Variants in NUMA1 observed in about 807,000 individuals in gnomAD.
NUMA1 encodes nuclear mitotic apparatus protein 1, also known as SP-H antigen.
Under a neutral mutation model 237.1 loss-of-function variants are expected in NUMA1, and 62 were observed. That is an observed-to-expected ratio of 0.26 (90% CI 0.21 to 0.32). NUMA1 has a LOEUF of 0.32. NUMA1 is among the 10% of genes least tolerant of loss of function. The probability of loss-of-function intolerance (pLI) is 1.00; values close to 1 mark genes in which losing one functional copy is unlikely to be tolerated. For missense variants in NUMA1, 2,533 were observed against 2,666.5 expected, an observed-to-expected ratio of 0.95 and a Z score of 1.10; for synonymous variants, 1,028 against 1,066.1, an observed-to-expected ratio of 0.96 and a Z score of 0.70.
chr11:72,012,842 C>G (rs1956244655), intron 15 of NUMA1, 53 bp downstream of exon 15: 1 of 1,582,966 alleles, frequency 6.3e-7, no homozygotes, highest in Non-Finnish European at 8.6e-7. Context: ...GATCGATGTC[C>G]CCGCGCTCTC....
intron 4 of NUMA1, among the ~76,000 whole-genome samples, chr11:72,025,096 C>T (rs965833584): frequency 6.6e-6 from 1 of 152,196 alleles, no homozygotes; most frequent in Non-Finnish European, 1.5e-5. Flanking sequence ...TGGGGTTTCG[C>T]CATGTTGGCC....
intron 24 of NUMA1, 25 bp from the exon 25 acceptor site, chr11:72,004,366 A>G: frequency 1.9e-6 from 3 of 1,594,434 alleles, no homozygotes; most frequent in East Asian, 2.2e-5. Context: ...ACAGTTAGGC[A>G]GACAGTAGCA....
Position 72,004,281 on chromosome 11 carries a change from G to A in NUMA1, c.6067C>T (p.Arg2023Cys), listed in dbSNP as rs202117024. Residue 2023 changes from arginine (R) to cysteine (C), a missense_variant, in exon 25 of 27, where the codon CGC becomes TGC. By Grantham distance (180) the Arg-to-Cys change is radical. Around this residue, in one of 3 missense-constraint regions of NUMA1, gnomAD observed 795 missense variants for 750.8 expected, o/e 1.06. Transcript: ENST00000393695. Reference sequence around the variant, plus strand: ...TGGGCCTCAGTAGTGCTCTGTTTGCGCCCTTCATGTCGGTCTCGGGGAGTC... The same window carrying A: ...TGGGCCTCAGTAGTGCTCTGTTTGCACCCTTCATGTCGGTCTCGGGGAGTC... ...PMTPRDRHEG[R>C]KQSTTEAQKK... 8.7e-6 allele frequency: 14 copies of A among 1,613,504 alleles called. No homozygotes were observed. In the East Asian group the frequency reaches 1.3e-4, roughly 15 times the overall value.
chr11:72,013,785 G>A lies in NUMA1; in HGVS notation c.3718C>T (p.Gln1240Ter). ...CTCTCCCCCTCCTTCTCCAGGACCT[G>A]GCGATTCAGGATGGACACCTCCTCC... ...LEEEVSILNR[Q>*]VLEKEGESKE... Residue 1240 changes from glutamine (Q) to a stop codon, truncating the protein, a stop_gained, in exon 15 of 27, where the codon CAG (glutamine) becomes TAG (stop). Coordinates refer to ENST00000393695, the MANE Select transcript of NUMA1 (RefSeq NM_006185.4). LOFTEE classifies it high-confidence loss of function. This position sits in a 1 kb window ranked among gnomAD's most constrained non-coding sequence, Gnocchi z 6.8. The A allele has an allele frequency of 6.2e-7, 1 of 1,610,010 alleles. No individual in the cohort carries two copies. The highest frequency in any genetic ancestry group is 8.5e-7 in the Non-Finnish European group (1 of 1,180,002).
intron 4 of NUMA1, 78 bp from the exon 5 acceptor site, chr11:72,024,431 C>G (rs997501126): frequency 8.1e-7 from 1 of 1,238,098 alleles, no homozygotes; most frequent in East Asian, 2.3e-5. Flanking sequence ...TAGTACCTCC[C>G]CATTCCTTCC....
Position 72,005,842 on chromosome 11 carries a change from G to A in NUMA1, c.5692+193C>T, listed in dbSNP as rs755451056. On this transcript the variant is annotated intron_variant, in intron 22 of 26. Coordinates refer to ENST00000393695, the MANE Select transcript of NUMA1 (RefSeq NM_006185.4). The stretch of plus-strand genomic sequence containing the variant: ...CGGGCCCTTAACTCTGGCTAAGAGT[G>A]CCCCCAACACAGCCAGCCCCTAGAT... 135 of 593,776 alleles carry A rather than the reference G, an allele frequency of 2.3e-4. 1 individual carries two copies. In the Middle Eastern group the frequency reaches 8.0e-3, roughly 35 times the overall value. 36.8% of individuals were successfully genotyped at this position (593,776 alleles called of 1,614,324 possible). A position where few individuals can be genotyped will look rare whatever the true frequency, so the allele number is the denominator to read the frequency against.
chr11:72,014,244 C>T lies in NUMA1; in HGVS notation c.3259G>A (p.Val1087Met), dbSNP rs759760794. Residue 1087 changes from valine to methionine, a missense_variant, in exon 15 of 27, where the codon GTG becomes ATG. Val to Met is a conservative substitution (Grantham distance 21). Around this residue, in one of 3 missense-constraint regions of NUMA1, gnomAD observed 1,414 missense variants for 1,508.1 expected, o/e 0.94. Coordinates refer to ENST00000393695, the MANE Select transcript of NUMA1 (RefSeq NM_006185.4). The surrounding 1 kb of genome is among the most constrained non-coding windows in gnomAD (Gnocchi z 4.6). ...GCCAGCTGTTCCTTCAGTTGCTTCACGGTTTGCCGAAGTTCCTCCAGCTCT... is the reference window on the plus strand; with the variant it reads ...GCCAGCTGTTCCTTCAGTTGCTTCATGGTTTGCCGAAGTTCCTCCAGCTCT... ...IKELEELRQT[V>M]KQLKEQLAKK... 2.1e-5 allele frequency: 34 copies of T among 1,614,006 alleles called. No homozygotes were observed. The highest frequency in any genetic ancestry group is 1.2e-4 in the African/African-American group (9 of 75,062).
chr11:72,047,749 A>T lies in NUMA1; in HGVS notation c.-32-11774T>A, dbSNP rs566359074. On this transcript the variant is annotated intron_variant, in intron 2 of 26. Coordinates refer to ENST00000393695, the MANE Select transcript of NUMA1 (RefSeq NM_006185.4). The stretch of plus-strand genomic sequence containing the variant: ...AGGCTCTGGATTAGCTACGAATTAC[A>T]ACAGTAACAGCAACGATAATGATAG... 1.2e-4 allele frequency: 18 copies of T among 152,324 alleles called. No homozygotes were observed. The South Asian group carries it at 3.7e-3, about 32-fold the overall frequency. The allele number at this position is 152,324 out of a possible 1,614,324, so 9.4% of individuals were successfully genotyped here.
chr11:72,017,866 AACGC>A, intron 12 of NUMA1, 39 bp from the exon 13 acceptor site: 1 of 13,444 alleles, frequency 7.4e-5, no homozygotes, highest in Non-Finnish European at 2.8e-4. Flanking sequence ...ACCCAGAGTC[AACGC>A]TGACCCCACC....
In NUMA1 at chr11:72,009,152, T is replaced by C. The variant is rs757395343; in HGVS notation, c.4873A>G (p.Lys1625Glu). The C allele has an allele frequency of 6.2e-7, 1 of 1,607,390 alleles. No individual in the cohort carries two copies. The highest frequency in any genetic ancestry group is 1.1e-5 in the South Asian group (1 of 90,930). ...TCCTGCAGCTCTTGGTTCTGCTGCT[T>C]CTTGGCATCATAATGTGTTTTGGCT... Reference protein sequence around the residue: ...EKAKTHYDAKKQQNQELQEQL... With the variant: ...EKAKTHYDAKEQQNQELQEQL... Residue 1625 changes from lysine (K) to glutamate (E), a missense_variant, in exon 19 of 27, where the codon AAG becomes GAG. Physicochemically the swap from Lys to Glu is moderately conservative, Grantham distance 56. Around this residue, in one of 3 missense-constraint regions of NUMA1, gnomAD observed 795 missense variants for 750.8 expected, o/e 1.06. Coordinates refer to ENST00000393695, the MANE Select transcript of NUMA1 (RefSeq NM_006185.4).
chr11:72,053,977 AT>A (rs553887896), intron 2 of NUMA1, among the ~76,000 whole-genome samples: 11 of 152,214 alleles, frequency 7.2e-5, no homozygotes, highest in Non-Finnish European at 1.2e-4. Flanking sequence ...ATATGCTAAT[AT>A]TATACCATTT....
At chr11:72,073,055 A>AAAAAAAAAAC (rs1943535290) in intron 1 of NUMA1, among the ~76,000 whole-genome samples, 1 of 147,202 alleles carries the variant, frequency 6.8e-6, no homozygotes, top group Admixed American at 6.7e-5. Context: ...TCTCAAAAAA[A>AAAAAAAAAAC]AAAAAAAAAA....
At chr11:72,075,956 G>A (rs1943685857) in intron 1 of NUMA1, among the ~76,000 whole-genome samples, 1 of 152,192 alleles carries the variant, frequency 6.6e-6, no homozygotes, top group Non-Finnish European at 1.5e-5. Context: ...AGATCCCTGT[G>A]CAGAGGCTGA....
chr11:72,057,311 C>T (rs77282713), intron 2 of NUMA1, among the ~76,000 whole-genome samples: 2,956 of 152,264 alleles, frequency 0.019, 94 homozygotes, highest in African/African-American at 0.065. Context: ...CTTCAATGCT[C>T]GTTCTCCTGC....
intron 3 of NUMA1, among the ~76,000 whole-genome samples, chr11:72,031,997 AAAGG>A (rs1940403483): frequency 1.6e-4 from 1 of 6,062 alleles, no homozygotes. Context: ...AAAGAGAGAG[AAAGG>A]AAAAATAGCC....
intron 26 of NUMA1, 69 bp downstream of exon 26, chr11:72,003,818 G>T: frequency 6.6e-7 from 1 of 1,513,400 alleles, no homozygotes; most frequent in Non-Finnish European, 9.1e-7. Context: ...GATGCTACTT[G>T]GTGGGGCGGT....
chr11:72,004,029 C>T lies in NUMA1; in HGVS notation c.6194G>A (p.Arg2065Gln), dbSNP rs1454537557. The change falls in exon 26 of 27, where the codon CGG becomes CAG. Residue 2065 changes from arginine (R) to glutamine (Q), a missense_variant. Coordinates refer to ENST00000393695, the MANE Select transcript of NUMA1 (RefSeq NM_006185.4). ...CAGGGCCTTCTTTGAGGCTCCCCGC[C>T]GCAGAAGGCTGTTCCCTAGCTTCTT... is the stretch of plus-strand genomic sequence containing the variant. The part of the protein sequence containing the change: ...TPKKLGNSLL[R>Q]RGASKKALSK... 5.0e-5 allele frequency: 81 copies of T among 1,613,624 alleles called. No individual in the cohort carries two copies. The highest frequency in any genetic ancestry group is 6.4e-5 in the Non-Finnish European group (75 of 1,179,710).
Position 72,018,237 on chromosome 11 carries a change from C to G in NUMA1, c.924G>C (p.Gln308His). 3 of 1,614,234 alleles carry G rather than the reference C, an allele frequency of 1.9e-6. No homozygotes were observed. The highest frequency in any genetic ancestry group is 1.1e-5 in the South Asian group (1 of 91,090). ...QCQDLKTEKS[Q>H]MDRKINQLSE... ...AAAGCTGGTTGATTTTGCGATCCAT[C>G]TGGCTCTTCTCTGTCTTCAGGTCCT... The change falls in exon 12 of 27, where the codon CAG becomes CAC. Residue 308 changes from glutamine to histidine, a missense_variant. Gln to His is a conservative substitution (Grantham distance 24). Around this residue, in one of 3 missense-constraint regions of NUMA1, gnomAD observed 1,414 missense variants for 1,508.1 expected, o/e 0.94. Transcript: ENST00000393695.
At chr11:72,048,222 G>A (rs969138493) in intron 2 of NUMA1, among the ~76,000 whole-genome samples, 6 of 152,020 alleles carry the variant, frequency 3.9e-5, no homozygotes, top group Admixed American at 1.3e-4. Flanking sequence ...TCAGCCTCCC[G>A]AGTAGCTGGG....
Sources: allele counts gnomAD v4.1 joint callset (sites outside exome capture counted in the v4.1 genomes callset), GRCh38; gene constraint gnomAD v4.1.1; regional missense constraint gnomAD v4.1.1; non-coding constraint Gnocchi (gnomAD v3.1); transcripts MANE v1.5; gene names NCBI Gene and HGNC (gene_info 2026-07-23, HGNC 2026-07-21).